The following DEPDC4 variants were observed in gnomAD, a reference collection of about 807,000 sequenced individuals.
DEPDC4 encodes DEP domain containing 4.
A neutral mutation model predicts 52.0 loss-of-function variants in DEPDC4; 52 were observed. The observed-to-expected ratio is 1.00, with a 90% CI of 0.80 to 1.26. The LOEUF (loss-of-function observed/expected upper bound fraction) is 1.26, where lower values mean the gene tolerates loss of function less well. Ranked by LOEUF, DEPDC4 falls within the 50% of genes most tolerant of loss-of-function variation. The pLI, the probability that DEPDC4 is intolerant of heterozygous loss-of-function variation, is 0.00. For synonymous variants in DEPDC4, 201 were observed against 196.8 expected (o/e 1.02, Z -0.18); for missense variants, 530 against 546.9 (o/e 0.97, Z 0.31).
chr12:100,253,154 G>A lies in DEPDC4; in HGVS notation c.1105+335C>T, dbSNP rs537120831. ...GCTGGTCTAGAACTCCTGACCTCAGGTGACTCACCCGCCTTGGCCTCCCAA... is the reference window on the plus strand; with the variant it reads ...GCTGGTCTAGAACTCCTGACCTCAGATGACTCACCCGCCTTGGCCTCCCAA... On this transcript the variant is annotated intron_variant, in intron 5 of 9. Coordinates refer to ENST00000550587, the MANE Select transcript of DEPDC4 (RefSeq NM_001364818.2). Among the ~76,000 whole-genome samples the A allele has an allele frequency of 5.2e-4, 79 of 152,290 alleles. No homozygotes were observed. The Middle Eastern group carries it at 0.017, about 33-fold the overall frequency.
intron 4 of DEPDC4, among the ~76,000 whole-genome samples, 154 bp from the exon 5 acceptor site, chr12:100,253,869 G>A (rs2096219713): frequency 6.6e-6 from 1 of 152,150 alleles, no homozygotes; most frequent in African/African-American, 2.4e-5. Flanking sequence ...AATACATTTT[G>A]CTGGATGAGT....
At chr12:100,239,035 TG>T (rs2096148492), downstream of DEPDC4, among the ~76,000 whole-genome samples, 1 of 152,180 alleles carries the variant, frequency 6.6e-6, no homozygotes, top group Non-Finnish European at 1.5e-5. Context: ...TATTGTACTT[TG>T]GCCCTTTGAA....
At chr12:100,261,180 CAAAAAA>C (rs536040088) in intron 3 of DEPDC4, among the ~76,000 whole-genome samples, 2 of 68,488 alleles carry the variant, frequency 2.9e-5, no homozygotes, top group African/African-American at 5.2e-5. Context: ...GACTCCGTCT[CAAAAAA>C]AAAAAAAAAA....
At chr12:100,280,156 T>G in the DEPDC4 span, among the ~76,000 whole-genome samples, 1 of 152,218 alleles carries the variant, frequency 6.6e-6, no homozygotes, top group African/African-American at 2.4e-5. Context: ...TTAATACATT[T>G]TGTTCAGTTT....
intron 9 of DEPDC4, among the ~76,000 whole-genome samples, chr12:100,232,382 C>A (rs1178775891): frequency 1.4e-5 from 2 of 141,296 alleles, no homozygotes; most frequent in African/African-American, 2.6e-5. Context: ...GGCGACAGAG[C>A]AAGACTCCGT....
intron 1 of DEPDC4, among the ~76,000 whole-genome samples, chr12:100,264,221 A>T (rs1286958258): frequency 6.6e-6 from 1 of 152,222 alleles, no homozygotes; most frequent in East Asian, 1.9e-4. Context: ...AAAGTAATGC[A>T]AATACACTTG....
intron 3 of DEPDC4, among the ~76,000 whole-genome samples, chr12:100,258,949 TAATCCCAGC>T (rs1256470730): frequency 6.6e-6 from 1 of 151,888 alleles, no homozygotes; most frequent in Non-Finnish European, 1.5e-5. Flanking sequence ...TGTGTGCCTG[TAATCCCAGC>T]TACTTGGGAG....
rs140274412 is a variant in DEPDC4 at position 100,257,501 on chromosome 12, G to A, written c.701-1275C>T. On this transcript the variant is annotated intron_variant, in intron 3 of 9. Coordinates refer to ENST00000550587, the MANE Select transcript of DEPDC4 (RefSeq NM_001364818.2). ...GGAGGTTCACCTGCCTCAGCCTACC[G>A]AGTAGCTGGGATTACAGGCATGCGC... Among the ~76,000 whole-genome samples the A allele has an allele frequency of 5.2e-3, 788 of 152,206 alleles. 7 individuals carry two copies. Among genetic ancestry groups the A allele is most frequent in the East Asian group, 0.039 (202 of 5,160 alleles).
upstream of DEPDC4, among the ~76,000 whole-genome samples, chr12:100,269,749 A>G (rs1259178678): frequency 6.6e-6 from 1 of 152,138 alleles, no homozygotes; most frequent in Non-Finnish European, 1.5e-5. Context: ...TTAACCATGT[A>G]ACTTAATTTT....
chr12:100,256,298 C>T, intron 3 of DEPDC4, 72 bp from the exon 4 acceptor site: 2 of 1,129,252 alleles, frequency 1.8e-6, no homozygotes, highest in South Asian at 1.8e-5. Flanking sequence ...TATTATAAAT[C>T]GTTCTATTTC....
rs370032475 is a variant in DEPDC4, at chr12:100,232,656, G to T, written c.*699+5312C>A. Among the ~76,000 whole-genome samples the T allele has an allele frequency of 3.9e-5, 6 of 152,220 alleles. No homozygotes were observed. The South Asian group carries it at 1.2e-3, about 32-fold the overall frequency. On this transcript the variant is annotated intron_variant and NMD_transcript_variant, in intron 9 of 10. Transcript: ENST00000378244. The stretch of plus-strand genomic sequence containing the variant: ...CCCAGCACTTTGGGAGGCCAAGGTG[G>T]GCGGATCACCTGAGGTCGGGAGTTT...
Position 100,262,417 on chromosome 12 carries a change from A to C in DEPDC4, c.555-8T>G. ...ATCATTTCATATCCTGGTCTGTTAAAAAATAATACGTGGCTCTTTTCATTA... is the reference window on the plus strand; with the variant it reads ...ATCATTTCATATCCTGGTCTGTTAACAAATAATACGTGGCTCTTTTCATTA... On this transcript the variant is annotated splice_region_variant and splice_polypyrimidine_tract_variant and intron_variant, in intron 2 of 9. Transcript: ENST00000550587. 6.3e-7 allele frequency: 1 copy of C among 1,588,732 alleles called. No individual in the cohort carries two copies. The highest frequency in any genetic ancestry group is 1.4e-5 in the African/African-American group (1 of 73,584).
intron 8 of DEPDC4, among the ~76,000 whole-genome samples, chr12:100,247,934 A>G (rs900264347): frequency 6.6e-6 from 1 of 152,046 alleles, no homozygotes; most frequent in African/African-American, 2.4e-5. Context: ...CTTTTTAAAG[A>G]AAAAAAATCA....
intron 8 of DEPDC4, among the ~76,000 whole-genome samples, chr12:100,243,064 A>G (rs2096166657): frequency 6.6e-6 from 1 of 152,196 alleles, no homozygotes; most frequent in South Asian, 2.1e-4. Flanking sequence ...TTAATTTATT[A>G]ATTAGGCATC....
intron 3 of DEPDC4, among the ~76,000 whole-genome samples, chr12:100,258,177 A>G (rs2096241670): frequency 6.6e-6 from 1 of 152,216 alleles, no homozygotes; most frequent in Admixed American, 6.5e-5. Flanking sequence ...AAATTCTGAG[A>G]ACTTGAAAGT....
intron 4 of DEPDC4, 107 bp downstream of exon 4, chr12:100,255,942 T>C (rs1421861761): frequency 8.4e-6 from 6 of 718,224 alleles, no homozygotes; most frequent in African/African-American, 3.6e-5. Context: ...AAAAGAGAGA[T>C]AGTATAAGCT....
upstream of DEPDC4, among the ~76,000 whole-genome samples, chr12:100,268,704 C>T (rs1433708551): frequency 6.6e-6 from 1 of 152,144 alleles, no homozygotes; most frequent in Non-Finnish European, 1.5e-5. Context: ...CAGATCAACC[C>T]TGTTACTGGG....
chr12:100,241,849 G>GA lies in DEPDC4; in HGVS notation c.*47-5dup, dbSNP rs34267654. ...AAGGGTTGGCAAAACGTAAAGCCTG[G>GA]AAAAAAAAAAAAAAAACAAAAGAAA... On this transcript the variant is annotated splice_polypyrimidine_tract_variant and splice_region_variant and intron_variant, in intron 9 of 9. Transcript: ENST00000550587. The GA allele has an allele frequency of 0.15, 143,295 of 957,272 alleles. 6 individuals are homozygous for GA. Among genetic ancestry groups the GA allele is most frequent in the South Asian group, 0.2 (8,659 of 42,748 alleles). 59.3% of individuals were successfully genotyped at this position (957,272 alleles called of 1,614,324 possible).
At chr12:100,251,086 T>G (rs2096205577) in intron 7 of DEPDC4, among the ~76,000 whole-genome samples, 1 of 152,154 alleles carries the variant, frequency 6.6e-6, no homozygotes, top group South Asian at 2.1e-4. Context: ...ATCAATATGT[T>G]GCATTATGAC....
Sources: allele counts gnomAD v4.1 joint callset (sites outside exome capture counted in the v4.1 genomes callset), GRCh38; gene constraint gnomAD v4.1.1; transcripts MANE v1.5; gene names NCBI Gene and HGNC (gene_info 2026-07-23, HGNC 2026-07-21).